Variants in MAP6 observed in about 807,000 individuals in gnomAD.
MAP6 encodes microtubule associated protein 6.
Under a neutral mutation model 42.4 loss-of-function variants are expected in MAP6, and 26 were observed. The observed-to-expected ratio is 0.61, with a 90% CI of 0.45 to 0.85. The LOEUF (loss-of-function observed/expected upper bound fraction) is 0.85, where lower values mean the gene tolerates loss of function less well. MAP6 is among the 40% of genes least tolerant of loss of function. MAP6 has a pLI of 0.00. For missense variants in MAP6, 966 were observed against 1,099.0 expected, an observed-to-expected ratio of 0.88 and a Z score of 1.71; for synonymous variants, 418 against 443.8, an observed-to-expected ratio of 0.94 and a Z score of 0.73.
At chr11:75,597,428 T>C (rs1372239124) in intron 3 of MAP6, among the ~76,000 whole-genome samples, 1 of 152,242 alleles carries the variant, frequency 6.6e-6, no homozygotes, top group Non-Finnish European at 1.5e-5. Flanking sequence ...TTTCCAATTG[T>C]ATGAGAAATA....
At chr11:75,608,067 G>C in intron 2 of MAP6, 42 bp downstream of exon 2, 3 of 1,589,220 alleles carry the variant, frequency 1.9e-6, no homozygotes, top group Non-Finnish European at 2.6e-6. Flanking sequence ...TAACCCTTAT[G>C]GTCCAGGCTG....
intron 1 of MAP6, among the ~76,000 whole-genome samples, chr11:75,663,186 G>C (rs1286865186): frequency 6.6e-6 from 1 of 151,698 alleles, no homozygotes; most frequent in East Asian, 1.9e-4. Context: ...TCACCATGTT[G>C]GTCAGGCTTG....
intron 1 of MAP6, among the ~76,000 whole-genome samples, chr11:75,622,071 G>T (rs571788742): frequency 6.6e-6 from 1 of 151,530 alleles, no homozygotes; most frequent in African/African-American, 2.4e-5. Context: ...CCCAATAAAG[G>T]CTACTAGAAA....
intron 1 of MAP6, among the ~76,000 whole-genome samples, chr11:75,649,938 A>T (rs1292990252): frequency 6.6e-6 from 1 of 152,210 alleles, no homozygotes; most frequent in African/African-American, 2.4e-5. Context: ...CTCCAAAAAA[A>T]CCCAGAAAAT....
chr11:75,652,849 A>AG (rs1178606075), intron 1 of MAP6, among the ~76,000 whole-genome samples: 1 of 151,828 alleles, frequency 6.6e-6, no homozygotes, highest in African/African-American at 2.4e-5. Context: ...AAAAAAAAAA[A>AG]AAGAAGAAAA....
rs1351488463 is a variant in MAP6, at chr11:75,588,065, T to A, written c.1436A>T (p.Gln479Leu). Residue 479 changes from glutamine to leucine, a missense_variant, in exon 4 of 4, where the codon CAA (glutamine) becomes CTA (leucine). Transcript: ENST00000304771. ...GLLKGQGPMV[Q>L]EPLKKQGSVV... Reference sequence around the variant, plus strand: ...AGAACCTTGCTTCTTCAGAGGCTCTTGCACCATAGGACCTTGACCTTTCAG... The same window carrying A: ...AGAACCTTGCTTCTTCAGAGGCTCTAGCACCATAGGACCTTGACCTTTCAG... 1.2e-6 allele frequency: 2 copies of A among 1,613,624 alleles called. No individual in the cohort carries two copies. The highest frequency in any genetic ancestry group is 2.7e-5 in the African/African-American group (2 of 74,818).
At chr11:75,629,150 C>T (rs1056125683) in intron 1 of MAP6, among the ~76,000 whole-genome samples, 4 of 152,168 alleles carry the variant, frequency 2.6e-5, no homozygotes, top group South Asian at 2.1e-4. Context: ...TGCAGTGGTG[C>T]GATCTCGGCT....
At chr11:75,659,412 G>A (rs1401301986) in intron 1 of MAP6, among the ~76,000 whole-genome samples, 1 of 152,198 alleles carries the variant, frequency 6.6e-6, no homozygotes, top group East Asian at 1.9e-4. Context: ...AACCCGGGAG[G>A]CAGAGGTTGC....
chr11:75,644,190 T>A (rs1276556421), intron 1 of MAP6, among the ~76,000 whole-genome samples: 1 of 152,070 alleles, frequency 6.6e-6, no homozygotes. Flanking sequence ...TTTGCAATAG[T>A]GTATAAATCA....
intron 3 of MAP6, among the ~76,000 whole-genome samples, chr11:75,601,741 G>A (rs73505059): frequency 0.013 from 1,884 of 150,176 alleles, 49 homozygotes; most frequent in African/African-American, 0.044. Flanking sequence ...CTCCACCACC[G>A]AGCTCTGTCA....
At chr11:75,627,610 C>T (rs1274986133) in intron 1 of MAP6, among the ~76,000 whole-genome samples, 2 of 152,200 alleles carry the variant, frequency 1.3e-5, no homozygotes, top group African/African-American at 2.4e-5. Context: ...TGGTGATGAT[C>T]GTGAAGGTAG....
intron 1 of MAP6, among the ~76,000 whole-genome samples, chr11:75,637,845 A>G (rs1943394106): frequency 1.7e-5 from 2 of 116,228 alleles, no homozygotes; most frequent in South Asian, 3.3e-4. Context: ...GGAAGGAGGG[A>G]GGGAAGGAAG....
chr11:75,631,871 C>T (rs1943289796), intron 1 of MAP6, among the ~76,000 whole-genome samples: 1 of 152,186 alleles, frequency 6.6e-6, no homozygotes, highest in Non-Finnish European at 1.5e-5. Context: ...TTTCATCCAG[C>T]AAATACCACC....
intron 1 of MAP6, among the ~76,000 whole-genome samples, chr11:75,662,354 G>C (rs1943867343): frequency 6.6e-6 from 1 of 152,140 alleles, no homozygotes; most frequent in South Asian, 2.1e-4. Flanking sequence ...GTATATATAT[G>C]AGTATATATG....
chr11:75,653,244 G>C (rs1434187053), intron 1 of MAP6, among the ~76,000 whole-genome samples: 3 of 152,180 alleles, frequency 2.0e-5, no homozygotes, highest in Non-Finnish European at 1.5e-5. Flanking sequence ...ACAAGGCCCA[G>C]GCTCTGTCTG....
At chr11:75,617,848 T>C (rs1029252839) in intron 1 of MAP6, among the ~76,000 whole-genome samples, 7 of 152,114 alleles carry the variant, frequency 4.6e-5, no homozygotes, top group African/African-American at 1.7e-4. Context: ...CACAAGGCCA[T>C]AGAGTTCTCA....
intron 1 of MAP6, among the ~76,000 whole-genome samples, chr11:75,662,332 C>G (rs1943866412): frequency 6.6e-6 from 1 of 152,030 alleles, no homozygotes; most frequent in Middle Eastern, 3.2e-3. Flanking sequence ...AACTTTAAAA[C>G]TGTATATATG....
At position 75,667,313 on chromosome 11, in the gene MAP6, G is replaced by C; in HGVS notation, c.905+152C>G. On this transcript the variant is annotated intron_variant, in intron 1 of 3. Coordinates refer to ENST00000304771, the MANE Select transcript of MAP6 (RefSeq NM_033063.2). This position sits in a 1 kb window ranked among gnomAD's most constrained non-coding sequence, Gnocchi z 5.6. ...AGGGCAGAAGAGAAGGCTTCGACAGGAGGTGGCCTGGGAGGCGGCTGGGGA... is the reference window on the plus strand; with the variant it reads ...AGGGCAGAAGAGAAGGCTTCGACAGCAGGTGGCCTGGGAGGCGGCTGGGGA... 1.6e-6 allele frequency: 1 copy of C among 618,354 alleles called. No individual in the cohort carries two copies. Among genetic ancestry groups the C allele is most frequent in the Non-Finnish European group, 2.5e-6 (1 of 393,700 alleles). The allele number at this position is 618,354 out of a possible 1,614,324, so 38.3% of individuals were successfully genotyped here.
At chr11:75,600,238 G>T (rs557866606) in intron 3 of MAP6, among the ~76,000 whole-genome samples, 1 of 152,244 alleles carries the variant, frequency 6.6e-6, no homozygotes, top group Non-Finnish European at 1.5e-5. Context: ...CTGAGGGGGG[G>T]TATTAGTGTC....
Sources: allele counts gnomAD v4.1 joint callset (sites outside exome capture counted in the v4.1 genomes callset), GRCh38; gene constraint gnomAD v4.1.1; non-coding constraint Gnocchi (gnomAD v3.1); transcripts MANE v1.5; gene names NCBI Gene and HGNC (gene_info 2026-07-23, HGNC 2026-07-21).